DNAH17: variants seen among roughly 807,000 people sequenced by gnomAD.
DNAH17 encodes dynein axonemal heavy chain 17.
Under a neutral mutation model 485.6 loss-of-function variants are expected in DNAH17, and 376 were observed. That is an observed-to-expected ratio of 0.77 (90% CI 0.71 to 0.84). The LOEUF is 0.84. Among genes scored for constraint, DNAH17 ranks in the 40% least tolerant of loss-of-function variants. The pLI, the probability that DNAH17 is intolerant of heterozygous loss-of-function variation, is 0.00. For missense variants in DNAH17, 6,370 were observed against 5,839.3 expected (o/e 1.09, Z -2.96); for synonymous variants, 3,031 against 2,405.9 (o/e 1.26, Z -7.60).
chr17:78,560,211 A>C (rs1218217738), intron 13 of DNAH17, among the ~76,000 whole-genome samples: 1 of 152,204 alleles, frequency 6.6e-6, no homozygotes, highest in Admixed American at 6.5e-5. Flanking sequence ...GTAGGTGCTC[A>C]GTAAGTATTT....
chr17:78,545,319 G>C (rs972288723), intron 16 of DNAH17, among the ~76,000 whole-genome samples: 1 of 152,150 alleles, frequency 6.6e-6, no homozygotes, highest in African/African-American at 2.4e-5. Flanking sequence ...AACGCGTTCT[G>C]TATATGTCTT....
chr17:78,466,033 T>G (rs1230455214), intron 56 of DNAH17, among the ~76,000 whole-genome samples: 5 of 152,098 alleles, frequency 3.3e-5, no homozygotes, highest in African/African-American at 7.2e-5. Context: ...ATGGTTGCCG[T>G]GTCTGTGTAG....
intron 65 of DNAH17, 85 bp downstream of exon 65, chr17:78,453,258 G>C (rs1008478742): frequency 6.5e-7 from 1 of 1,529,766 alleles, no homozygotes; most frequent in Non-Finnish European, 8.8e-7. Flanking sequence ...AGGAAATTCC[G>C]GGCGTTTTCT....
intron 74 of DNAH17, among the ~76,000 whole-genome samples, chr17:78,435,422 C>G (rs964537614): frequency 1.2e-4 from 19 of 152,128 alleles, no homozygotes; most frequent in Admixed American, 6.5e-5. Context: ...CAACTGGTCC[C>G]TGAACTTGTG....
Position 78,492,682 on chromosome 17 carries a change from G to A in DNAH17, c.6492C>T (p.Cys2164=), listed in dbSNP as rs149646111. The change falls in exon 42 of 81, where the codon TGC becomes TGT. Residue 2164 remains cysteine (C), a synonymous_variant. Transcript: ENST00000389840. ...AVDLDPKAVT[C]DELFGIINPV... is the part of the protein sequence containing the mutation. The stretch of plus-strand genomic sequence containing the variant: ...GGTTGATGATGCCAAAGAGCTCGTC[G>A]CAGGTGACGGCCTTGGGGTCCAGGT... The A allele has an allele frequency of 4.5e-4, 733 of 1,613,546 alleles. 1 individual carries two copies. In the African/African-American group the frequency reaches 4.7e-3, roughly 10 times the overall value.
intron 7 of DNAH17, 137 bp from the exon 8 acceptor site, chr17:78,569,664 T>A: frequency 8.6e-7 from 1 of 1,161,456 alleles, no homozygotes; most frequent in Non-Finnish European, 1.2e-6. Context: ...TGCCCACTGC[T>A]GGGCCGTTTT....
rs60587420 is a variant in DNAH17, at chr17:78,553,283, G to GTTTTTT, written c.2179-484_2179-479dup. Among the ~76,000 whole-genome samples, 66 of 51,030 alleles carry GTTTTTT rather than the reference G, an allele frequency of 1.3e-3. 15 individuals carry two copies. Among genetic ancestry groups the GTTTTTT allele is most frequent in the East Asian group, 2.7e-3 (4 of 1,502 alleles). 33.5% of individuals were successfully genotyped at this position (51,030 alleles called of 152,430 possible). ...AAATTACCCAGTCCCAGGTTTTTGTGTTTTTTTTTTTTTTTTTTTTTTTTT... is the reference window on the plus strand; with the variant it reads ...AAATTACCCAGTCCCAGGTTTTTGTGTTTTTTTTTTTTTTTTTTTTTTTTTTTTTTT... On this transcript the variant is annotated intron_variant, in intron 14 of 80. Transcript: ENST00000389840.
intron 65 of DNAH17, among the ~76,000 whole-genome samples, chr17:78,452,177 T>C (rs1053140331): frequency 2.0e-5 from 3 of 150,886 alleles, no homozygotes; most frequent in African/African-American, 7.4e-5. Context: ...TCCCAGAGTC[T>C]AGGACCTCTG....
At chr17:78,494,890 C>A in intron 39 of DNAH17, 69 bp downstream of exon 39, 1 of 1,575,132 alleles carries the variant, frequency 6.3e-7, no homozygotes, top group South Asian at 1.2e-5. Context: ...GGTCTGGAAG[C>A]CAACCCTGGC....
At chr17:78,447,732 A>G in intron 69 of DNAH17, among the ~76,000 whole-genome samples, 1 of 151,034 alleles carries the variant, frequency 6.6e-6, no homozygotes, top group East Asian at 1.9e-4. Context: ...TTCACATGTA[A>G]AAGGAACCTT....
At position 78,431,029 on chromosome 17, in the gene DNAH17, C is replaced by T. The variant is rs1018619411; in HGVS notation, c.12226-1729G>A. 5.3e-5 allele frequency among the ~76,000 whole-genome samples: 8 copies of T among 151,204 alleles called. No homozygotes were observed. In the South Asian group the frequency reaches 8.4e-4, roughly 16 times the overall value. On this transcript the variant is annotated intron_variant, in intron 75 of 80. Transcript: ENST00000389840. ...CCAAGTAGCTGGGCCTACAGTCACA[C>T]CACCATGCCAGACTAATTTTTTTAT...
At chr17:78,478,915 T>G (rs2089227995) in intron 51 of DNAH17, 110 bp downstream of exon 51, 1 of 820,880 alleles carries the variant, frequency 1.2e-6, no homozygotes. Context: ...ATTACCACCA[T>G]CACCACCATC....
At chr17:78,513,102 C>A (rs894750436) in intron 26 of DNAH17, among the ~76,000 whole-genome samples, 4 of 151,788 alleles carry the variant, frequency 2.6e-5, no homozygotes, top group South Asian at 2.1e-4. Flanking sequence ...ATTGAATGAA[C>A]CCCCCCTCTG....
intron 25 of DNAH17, among the ~76,000 whole-genome samples, chr17:78,521,640 A>C (rs377400165): frequency 6.6e-6 from 1 of 152,206 alleles, no homozygotes; most frequent in Non-Finnish European, 1.5e-5. Context: ...CTATGAAAGG[A>C]AAAATTGATA....
At chr17:78,539,157 G>A (rs1439550293) in intron 18 of DNAH17, among the ~76,000 whole-genome samples, 1 of 152,140 alleles carries the variant, frequency 6.6e-6, no homozygotes, top group African/African-American at 2.4e-5. Context: ...TTGAACCCAG[G>A]AGGTGGAGTT....
intron 22 of DNAH17, among the ~76,000 whole-genome samples, chr17:78,527,328 T>C (rs7222380): frequency 9.2e-5 from 14 of 151,840 alleles, no homozygotes; most frequent in African/African-American, 3.4e-4. Context: ...CAGAGGCTAC[T>C]GTGAGCAAGA....
At chr17:78,552,614 A>G in intron 15 of DNAH17, 83 bp downstream of exon 15, 1 of 920,574 alleles carries the variant, frequency 1.1e-6, no homozygotes, top group Non-Finnish European at 1.8e-6. Context: ...AGAAGTGACC[A>G]CTCTAGTGGT....
chr17:78,524,313 T>C (rs1255111440), intron 25 of DNAH17, among the ~76,000 whole-genome samples: 1 of 152,158 alleles, frequency 6.6e-6, no homozygotes, highest in African/African-American at 2.4e-5. Flanking sequence ...AATTTTCGTA[T>C]TTTTCGTAGA....
chr17:78,547,617 A>G (rs1396492505), intron 16 of DNAH17, among the ~76,000 whole-genome samples: 1 of 134,620 alleles, frequency 7.4e-6, no homozygotes, highest in Non-Finnish European at 1.6e-5. Context: ...GTTCATTACT[A>G]TTTTTTTTTT....
Sources: gnomAD v4.1 joint callset for allele counts (sites outside exome capture counted in the v4.1 genomes callset) on GRCh38, gnomAD v4.1.1 for gene constraint, MANE v1.5 for transcripts, NCBI Gene and HGNC (gene_info 2026-07-23, HGNC 2026-07-21) for gene names.